The following IL7 variants were observed in gnomAD, a reference collection of about 807,000 sequenced individuals.
The protein encoded by IL7 is interleukin-7.
Under a neutral mutation model 21.6 loss-of-function variants are expected in IL7, and 3 were observed. The ratio of observed to expected loss-of-function variants is 0.14; its 90% CI spans 0.06 to 0.36. IL7 has a LOEUF of 0.36. IL7 is among the 10% of genes least tolerant of loss of function. IL7 has a pLI of 1.00. For synonymous variants in IL7, 62 were observed against 68.1 expected (o/e 0.91, Z 0.44); for missense variants, 175 against 200.2 (o/e 0.87, Z 0.76).
downstream of IL7, among the ~76,000 whole-genome samples, chr8:78,715,565 G>A (rs1304800112): frequency 6.6e-6 from 1 of 152,196 alleles, no homozygotes; most frequent in African/African-American, 2.4e-5. Flanking sequence ...ATGGGAGGAG[G>A]TCAAAATATC....
chr8:78,729,836 T>C (rs1811393568), downstream of IL7, among the ~76,000 whole-genome samples: 1 of 152,002 alleles, frequency 6.6e-6, no homozygotes, highest in Non-Finnish European at 1.5e-5. Flanking sequence ...TTATTTCAAA[T>C]ATAAGAAAAT....
At chr8:78,738,097 C>T (rs1435927658) in intron 4 of IL7, among the ~76,000 whole-genome samples, 1 of 152,000 alleles carries the variant, frequency 6.6e-6, no homozygotes, top group Non-Finnish European at 1.5e-5. Flanking sequence ...TAGTTTAAGC[C>T]TATAAAGATA....
At chr8:78,750,779 G>C (rs191263884) in intron 2 of IL7, among the ~76,000 whole-genome samples, 2 of 152,082 alleles carry the variant, frequency 1.3e-5, no homozygotes, top group Non-Finnish European at 2.9e-5. Flanking sequence ...AGCCGAGATC[G>C]TGCCACTGCA....
chr8:78,744,280 G>A (rs913888610), intron 2 of IL7, among the ~76,000 whole-genome samples: 2 of 152,046 alleles, frequency 1.3e-5, no homozygotes, highest in African/African-American at 2.4e-5. Flanking sequence ...GAACACCAGC[G>A]GGGATGGCTG....
chr8:78,687,603 C>CGT (rs1563626666), intron 3 of IL7, among the ~76,000 whole-genome samples: 3 of 131,606 alleles, frequency 2.3e-5, no homozygotes, highest in African/African-American at 8.5e-5. Flanking sequence ...TATATATTTA[C>CGT]ATAATACATT....
At chr8:78,775,000 C>G (rs1813084919) in intron 2 of IL7, among the ~76,000 whole-genome samples, 1 of 151,976 alleles carries the variant, frequency 6.6e-6, no homozygotes, top group Non-Finnish European at 1.5e-5. Flanking sequence ...GGGTAATGAA[C>G]AAATCTTAGT....
chr8:78,756,633 C>T (rs1407599159), intron 2 of IL7, among the ~76,000 whole-genome samples: 1 of 151,724 alleles, frequency 6.6e-6, no homozygotes, highest in Admixed American at 6.6e-5. Context: ...TCTGATAGTC[C>T]TTTATATTTC....
chr8:78,721,209 A>T (rs1335458199), intron 4 of IL7: 2 of 152,068 alleles, frequency 1.3e-5, no homozygotes, highest in Non-Finnish European at 2.9e-5. Flanking sequence ...TCATGAAGAT[A>T]CCAAAAAGTG....
intron 2 of IL7, among the ~76,000 whole-genome samples, chr8:78,750,530 G>C (rs1017778048): frequency 1.3e-5 from 2 of 152,130 alleles, no homozygotes; most frequent in African/African-American, 4.8e-5. Flanking sequence ...CTTTTTAAAA[G>C]TCTATGATTG....
intron 1 of IL7, among the ~76,000 whole-genome samples, chr8:78,804,266 A>AAAT (rs1457822093): frequency 4.6e-5 from 7 of 152,226 alleles, no homozygotes; most frequent in Non-Finnish European, 8.8e-5. Context: ...CCGTAGGAAA[A>AAAT]AATAACAACA....
At chr8:78,729,565 AT>A (rs1358090564), downstream of IL7, among the ~76,000 whole-genome samples, 3 of 151,750 alleles carry the variant, frequency 2.0e-5, no homozygotes, top group African/African-American at 7.3e-5. Context: ...AAACAAATCC[AT>A]TTTTTTTCTT....
rs1336319143 is a variant in IL7 at position 78,805,150 on chromosome 8, A to G, written c.-228T>C. ...CGTGGCTCTGCGCTTTGCCTTTTCC[A>G]TAACTTCCGTAGGATCCGCCAGCAG... On this transcript the variant is annotated 5_prime_UTR_variant, in exon 1 of 6. The change abolishes an upstream ATG in the 5' untranslated region. Coordinates refer to ENST00000263851, the MANE Select transcript of IL7 (RefSeq NM_000880.4). 13 of 498,636 alleles carry G rather than the reference A, an allele frequency of 2.6e-5. No homozygotes were observed. Among genetic ancestry groups the G allele is most frequent in the Non-Finnish European group, 4.4e-5 (12 of 275,598 alleles). 30.9% of individuals were successfully genotyped at this position (498,636 alleles called of 1,614,324 possible).
intron 5 of IL7, among the ~76,000 whole-genome samples, chr8:78,735,564 C>A (rs543526024): frequency 1.3e-5 from 2 of 151,990 alleles, no homozygotes; most frequent in South Asian, 4.2e-4. Flanking sequence ...CACCTCGGAC[C>A]CCCAAAGTGC....
chr8:78,748,330 G>A (rs1316196944), intron 2 of IL7, among the ~76,000 whole-genome samples: 1 of 152,196 alleles, frequency 6.6e-6, no homozygotes, highest in African/African-American at 2.4e-5. Context: ...CATAGTCAGT[G>A]CTTAACATAA....
chr8:78,798,232 T>G, intron 1 of IL7, 24 bp from the exon 2 acceptor site: 1 of 1,563,154 alleles, frequency 6.4e-7, no homozygotes, highest in Non-Finnish European at 8.8e-7. Context: ...TAAATAAGAA[T>G]GAGCTAAATG....
At chr8:78,760,961 A>G in intron 2 of IL7, 6 of 1,572,002 alleles carry the variant, frequency 3.8e-6, no homozygotes, top group East Asian at 2.2e-5. Context: ...AAAAGATAGG[A>G]CATTTTTAAG....
At chr8:78,775,459 A>G (rs1315576941) in intron 2 of IL7, among the ~76,000 whole-genome samples, 1 of 152,114 alleles carries the variant, frequency 6.6e-6, no homozygotes, top group Non-Finnish European at 1.5e-5. Context: ...AAGAACACCA[A>G]ACTAGAGTTT....
intron 2 of IL7, among the ~76,000 whole-genome samples, chr8:78,767,432 C>T (rs1254519956): frequency 7.9e-5 from 12 of 151,322 alleles, no homozygotes; most frequent in Admixed American, 7.9e-4. Context: ...TTGTATTTTC[C>T]TTTTTCTTTG....
downstream of IL7, among the ~76,000 whole-genome samples, chr8:78,713,088 C>T (rs906377478): frequency 6.6e-6 from 1 of 152,094 alleles, no homozygotes; most frequent in Non-Finnish European, 1.5e-5. Context: ...GTAACAGTGA[C>T]TAGCAGTAAG....
Sources: allele counts gnomAD v4.1 joint callset (sites outside exome capture counted in the v4.1 genomes callset), GRCh38; gene constraint gnomAD v4.1.1; transcripts MANE v1.5; gene names NCBI Gene and HGNC (gene_info 2026-07-23, HGNC 2026-07-21).